CDON: variants seen among roughly 807,000 people sequenced by gnomAD.
CDON encodes cell adhesion molecule-related/down-regulated by oncogenes.
Under a neutral mutation model 120.9 loss-of-function variants are expected in CDON, and 73 were observed. The ratio of observed to expected loss-of-function variants is 0.60; its 90% CI spans 0.50 to 0.73. The LOEUF (loss-of-function observed/expected upper bound fraction) is 0.73, where lower values mean the gene tolerates loss of function less well. Ranked by LOEUF, CDON falls within the 30% of genes least tolerant of loss-of-function variation. The pLI is 0.00. For missense variants in CDON, 1,470 were observed against 1,587.3 expected, an observed-to-expected ratio of 0.93 and a Z score of 1.26; for synonymous variants, 566 against 573.5, an observed-to-expected ratio of 0.99 and a Z score of 0.19.
chr11:125,994,295 T>C lies in CDON; in HGVS notation c.2639A>G (p.Asp880Gly). Reference protein sequence around the residue: ...DSDNDSDYKRDVVEGSKQWHM... With the variant: ...DSDNDSDYKRGVVEGSKQWHM... ...GCCAGGGGACTTACCTTCTACAACA[T>C]CCCTCTTGTAATCACTGTCATTGTC... Residue 880 changes from aspartate (D) to glycine (G), a missense_variant, in exon 14 of 20, where the codon GAT becomes GGT. Coordinates refer to ENST00000531738, the MANE Select transcript of CDON (RefSeq NM_001378964.1). The C allele has an allele frequency of 6.3e-7, 1 of 1,577,726 alleles. No individual in the cohort carries two copies. Among genetic ancestry groups the C allele is most frequent in the Non-Finnish European group, 8.7e-7 (1 of 1,147,154 alleles).
Position 126,015,414 on chromosome 11 carries a change from T to C in CDON, c.1025A>G (p.Asn342Ser), listed in dbSNP as rs140975280. 3.7e-5 allele frequency: 59 copies of C among 1,613,998 alleles called. 1 individual carries two copies. The African/African-American group carries it at 4.7e-4, about 13-fold the overall frequency. Reference sequence around the variant, plus strand: ...CTGTGCATTGTGAAACCAGGTACAGTTGGGGGCTGGGTTCCCATGAACGTC... The same window carrying C: ...CTGTGCATTGTGAAACCAGGTACAGCTGGGGGCTGGGTTCCCATGAACGTC... ...TCDVHGNPAP[N>S]CTWFHNAQPI... Residue 342 changes from asparagine to serine, a missense_variant, in exon 7 of 20, where the codon AAC becomes AGC. By Grantham distance (46) the Asn-to-Ser change is conservative. Coordinates refer to ENST00000531738, the MANE Select transcript of CDON (RefSeq NM_001378964.1).
chr11:125,996,401 A>G (rs1946783462), intron 12 of CDON, among the ~76,000 whole-genome samples: 1 of 152,136 alleles, frequency 6.6e-6, no homozygotes, highest in South Asian at 2.1e-4. Flanking sequence ...TTGGATAATA[A>G]AACAATATTT....
rs1484508740 is a variant in CDON, at chr11:125,997,358, G to C, written c.2211C>G (p.Val737=). 1 of 1,613,762 alleles carries C rather than the reference G, an allele frequency of 6.2e-7. No homozygotes were observed. Among genetic ancestry groups the C allele is most frequent in the East Asian group, 2.2e-5 (1 of 44,856 alleles). Residue 737 remains valine (V), a synonymous_variant, in exon 12 of 20, where the codon GTC becomes GTG. Coordinates refer to ENST00000531738, the MANE Select transcript of CDON (RefSeq NM_001378964.1). ...PTISTASETS[V]YVTWIPRANG... ...TTGCCCGAGGAATCCAAGTGACATA[G>C]ACTGATGTCTCTGATGCAGTGGAGA...
Position 126,010,479 on chromosome 11 carries a change from G to C in CDON, c.1414C>G (p.Pro472Ala), listed in dbSNP as rs750020763. Residue 472 changes from proline (P) to alanine (A), a missense_variant, in exon 8 of 20, where the codon CCT becomes GCT. Coordinates refer to ENST00000531738, the MANE Select transcript of CDON (RefSeq NM_001378964.1). ...GCTTGGGACAGGACGAAGTACACAG[G>C]CTCCAGGTTCAAGCCCTCAGGTCTT... ...LSRPEGLNLE[P>A]VYFVLSQAGA... The C allele has an allele frequency of 2.0e-4, 316 of 1,614,002 alleles. 3 individuals are homozygous for C. In the South Asian group the frequency reaches 2.7e-3, roughly 14 times the overall value.
chr11:126,034,231 G>A lies in CDON; in HGVS notation c.-61-10694C>T, dbSNP rs182489399. Among the ~76,000 whole-genome samples the A allele has an allele frequency of 5.5e-4, 84 of 152,186 alleles. 2 individuals are homozygous for A. The East Asian group carries it at 0.012, about 22-fold the overall frequency. ...GCATACAAACGATCCTGCTGCCTGC[G>A]AAAGCATTTCCTTTCACCGTGGACT... is the stretch of plus-strand genomic sequence containing the variant. On this transcript the variant is annotated intron_variant, in intron 1 of 19. Transcript: ENST00000531738. This position sits in a 1 kb window ranked among gnomAD's most constrained non-coding sequence, Gnocchi z 4.5.
chr11:125,979,626 T>C (rs58681755), intron 17 of CDON, among the ~76,000 whole-genome samples: 2,270 of 152,244 alleles, frequency 0.015, 60 homozygotes, highest in African/African-American at 0.052. Context: ...ATTATTTAAA[T>C]AGAAATTCAT....
At chr11:125,970,123 C>T (rs1945925528) in intron 18 of CDON, among the ~76,000 whole-genome samples, 1 of 148,892 alleles carries the variant, frequency 6.7e-6, no homozygotes, top group Admixed American at 6.7e-5. Flanking sequence ...TGTTCTCATG[C>T]ATATATTCTT....
chr11:125,989,247 T>A (rs1946556451), intron 15 of CDON, among the ~76,000 whole-genome samples: 1 of 152,110 alleles, frequency 6.6e-6, no homozygotes, highest in Admixed American at 6.5e-5. Flanking sequence ...AATACATCAA[T>A]AGTCATGTCC....
At position 126,005,944 on chromosome 11, in the gene CDON, C is replaced by G. The variant is rs149168182; in HGVS notation, c.1666G>C (p.Val556Leu). The G allele has an allele frequency of 6.8e-6, 11 of 1,614,116 alleles. No individual in the cohort carries two copies. In the African/African-American group the frequency reaches 1.3e-4, roughly 20 times the overall value. Reference sequence around the variant, plus strand: ...TCCACTGCACTGGGATGGACCTTCACCGGAAATGAGCTCAGTAACCCAGTT... The same window carrying G: ...TCCACTGCACTGGGATGGACCTTCAGCGGAAATGAGCTCAGTAACCCAGTT... The part of the protein sequence containing the change: ...SETGLLSSFP[V>L]KVHPSAVESA... Residue 556 changes from valine (V) to leucine (L), a missense_variant, in exon 9 of 20, where the codon GTG becomes CTG. Physicochemically the swap from Val to Leu is conservative, Grantham distance 32. Coordinates refer to ENST00000531738, the MANE Select transcript of CDON (RefSeq NM_001378964.1).
chr11:125,990,667 CA>C (rs1946609051), intron 14 of CDON, among the ~76,000 whole-genome samples: 3 of 152,252 alleles, frequency 2.0e-5, no homozygotes, highest in Middle Eastern at 3.4e-3. Flanking sequence ...AGAAAAAAAG[CA>C]AAACAAAACC....
At chr11:126,027,551 T>C (rs942638364) in intron 1 of CDON, among the ~76,000 whole-genome samples, 3 of 152,200 alleles carry the variant, frequency 2.0e-5, no homozygotes, top group Non-Finnish European at 4.4e-5. Flanking sequence ...TAAGTTCCCC[T>C]ACATTGCTCT....
intron 1 of CDON, among the ~76,000 whole-genome samples, chr11:126,040,796 CAGAG>C (rs1565548999): frequency 1.2e-5 from 1 of 86,266 alleles, no homozygotes; most frequent in Non-Finnish European, 2.1e-5. Context: ...GCTCGGGCAA[CAGAG>C]AAAGACTCCG....
chr11:125,971,841 A>G (rs1295702249), intron 18 of CDON, among the ~76,000 whole-genome samples: 1 of 152,236 alleles, frequency 6.6e-6, no homozygotes, highest in Admixed American at 6.5e-5. Context: ...ATGCTAAAAA[A>G]GACCAGATTT....
chr11:125,981,971 T>TTTTTTTTTTTC (rs1946322776), intron 16 of CDON, among the ~76,000 whole-genome samples: 1 of 30,622 alleles, frequency 3.3e-5, no homozygotes, highest in African/African-American at 1.7e-4. Context: ...TTCTATTTTC[T>TTTTTTTTTTTC]TTTTTTTTTT....
At chr11:126,013,239 T>C (rs576325924) in intron 7 of CDON, among the ~76,000 whole-genome samples, 3 of 152,326 alleles carry the variant, frequency 2.0e-5, no homozygotes, top group Non-Finnish European at 4.4e-5. Context: ...CTTGCTGATA[T>C]ATTATTTAGG....
chr11:125,995,203 A>T, intron 12 of CDON, 151 bp from the exon 13 acceptor site: 1 of 728,542 alleles, frequency 1.4e-6, no homozygotes. Flanking sequence ...TGTATGGTAA[A>T]TAGATTTCAA....
chr11:126,055,346 G>A (rs1019466169), intron 1 of CDON, among the ~76,000 whole-genome samples: 3 of 152,070 alleles, frequency 2.0e-5, no homozygotes, highest in African/African-American at 7.2e-5. Flanking sequence ...GAATTGGTAT[G>A]GATGGGCATA....
chr11:125,989,094 T>A (rs1946552385), intron 15 of CDON, among the ~76,000 whole-genome samples: 1 of 151,752 alleles, frequency 6.6e-6, no homozygotes. Context: ...TTACTTAGAG[T>A]CACACAGAAA....
intron 1 of CDON, among the ~76,000 whole-genome samples, chr11:126,056,601 C>T (rs1386427901): frequency 1.3e-5 from 2 of 152,134 alleles, no homozygotes; most frequent in South Asian, 2.1e-4. Context: ...AGCCAAAGTC[C>T]CTTCCAAAAT....
Sources: allele counts gnomAD v4.1 joint callset (sites outside exome capture counted in the v4.1 genomes callset), GRCh38; gene constraint gnomAD v4.1.1; non-coding constraint Gnocchi (gnomAD v3.1); transcripts MANE v1.5; gene names NCBI Gene and HGNC (gene_info 2026-07-23, HGNC 2026-07-21).